The following THY1 variants were observed in gnomAD, a reference collection of about 807,000 sequenced individuals.
The protein encoded by THY1 is thy-1 membrane glycoprotein.
THY1 carries 10 observed loss-of-function variants against 14.9 expected under a neutral mutation model. That is an observed-to-expected ratio of 0.67 (90% CI 0.41 to 1.14). The LOEUF (loss-of-function observed/expected upper bound fraction) is 1.14, where lower values mean the gene tolerates loss of function less well. Ranked by LOEUF, THY1 falls within the 50% of genes most tolerant of loss-of-function variation. The pLI is 0.00. For missense variants in THY1, 159 were observed against 202.1 expected (o/e 0.79, Z 1.29); for synonymous variants, 80 against 90.0 (o/e 0.89, Z 0.63).
At position 119,422,314 on chromosome 11, in the gene THY1, A is replaced by C. The variant is rs981259900; in HGVS notation, c.-25+799T>G. The C allele has an allele frequency of 3.9e-5, 6 of 152,242 alleles. No homozygotes were observed. The highest frequency in any genetic ancestry group is 1.5e-4 in the African/African-American group (6 of 41,372). 9.4% of individuals were successfully genotyped at this position (152,242 alleles called of 1,614,324 possible). On this transcript the variant is annotated intron_variant, in intron 1 of 3. Transcript: ENST00000284240. This position sits in a 1 kb window ranked among gnomAD's most constrained non-coding sequence, Gnocchi z 7.0. ...GTTTGAGATGTTGTGCGGGCTTGGG[A>C]TCTAGGAGGGGAAGGGGGAGCAATG...
Position 119,421,099 on chromosome 11 carries a change from C to T in THY1, c.-24-170G>A, listed in dbSNP as rs1355529996. 5.2e-6 allele frequency: 3 copies of T among 573,582 alleles called. No individual in the cohort carries two copies. The African/African-American group carries it at 5.6e-5, about 11-fold the overall frequency. 35.5% of individuals were successfully genotyped at this position (573,582 alleles called of 1,614,324 possible). ...ACATGATACTGCCACTGGCTCTTTC[C>T]TGCTCAGGGAAAGCAAGGAAGGAGG... On this transcript the variant is annotated intron_variant, in intron 1 of 3. Transcript: ENST00000284240.
At position 119,415,827 on chromosome 11, in the gene THY1, G is replaced by A. The variant is rs991893180; in HGVS notation, c.*3581C>T. 4.6e-5 allele frequency among the ~76,000 whole-genome samples: 7 copies of A among 152,226 alleles called. No individual in the cohort carries two copies. The highest frequency in any genetic ancestry group is 1.7e-4 in the African/African-American group (7 of 41,458). On this transcript the variant is annotated 3_prime_UTR_variant, in exon 4 of 4. Coordinates refer to ENST00000284240, the MANE Select transcript of THY1 (RefSeq NM_006288.5). ...AGCCCCTGTTGAGCAGAAGAGAGCT[G>A]ATGGCCCTCTTGCCTGGCCAGGACT...
upstream of THY1, chr11:119,423,357 G>A: frequency 2.7e-6 from 1 of 369,246 alleles, no homozygotes; most frequent in Non-Finnish European, 5.4e-6. Flanking sequence ...GCGGAAGGGG[G>A]CCCTCACCCT....
intron 1 of THY1, 35 bp downstream of exon 1, chr11:119,423,078 C>T (rs1304199237): frequency 8.8e-6 from 4 of 455,942 alleles, no homozygotes; most frequent in Admixed American, 7.1e-5. Context: ...GACGGCGGTC[C>T]CCGAGCCCCA....
At chr11:119,423,063 C>T (rs55747192) in intron 1 of THY1, 50 bp downstream of exon 1, 83 of 456,060 alleles carry the variant, frequency 1.8e-4, no homozygotes, top group Non-Finnish European at 2.5e-4. Context: ...CTTGCATGGG[C>T]GCCTGACGGC....
chr11:119,424,016 C>T (rs1422384469), upstream of THY1: 1 of 152,434 alleles, frequency 6.6e-6, no homozygotes, highest in African/African-American at 2.4e-5. Context: ...TTCATCCCAT[C>T]TCAATCCTCA....
chr11:119,416,619 C>T lies in THY1; in HGVS notation c.*2789G>A, dbSNP rs1035713083. Among the ~76,000 whole-genome samples, 19 of 152,128 alleles carry T rather than the reference C, an allele frequency of 1.2e-4. No individual in the cohort carries two copies. Among genetic ancestry groups the T allele is most frequent in the African/African-American group, 2.9e-4 (12 of 41,442 alleles). ...CCTCCTGAGTAGCTGGGATTACAGG[C>T]GCAGGCCACCATGCCTGGCTAATTT... is the stretch of plus-strand genomic sequence containing the variant. On this transcript the variant is annotated 3_prime_UTR_variant, in exon 4 of 4. Coordinates refer to ENST00000284240, the MANE Select transcript of THY1 (RefSeq NM_006288.5).
intron 2 of THY1, 154 bp from the exon 3 acceptor site, chr11:119,420,540 C>T: frequency 1.4e-6 from 1 of 729,384 alleles, no homozygotes; most frequent in Non-Finnish European, 2.2e-6. Context: ...TTCTCCTTTG[C>T]AGACCCCAGC....
Position 119,417,754 on chromosome 11 carries a change from C to T in THY1, c.*1654G>A, listed in dbSNP as rs1472965706. Reference sequence around the variant, plus strand: ...CTTGAGGACATGGGCATCTCCCACCCTTCGTGCTCACCCTCGCAATAGTGG... The same window carrying T: ...CTTGAGGACATGGGCATCTCCCACCTTTCGTGCTCACCCTCGCAATAGTGG... On this transcript the variant is annotated 3_prime_UTR_variant, in exon 4 of 4. Coordinates refer to ENST00000284240, the MANE Select transcript of THY1 (RefSeq NM_006288.5). 6.6e-6 allele frequency: 1 copy of T among 152,336 alleles called. No homozygotes were observed. The highest frequency in any genetic ancestry group is 1.5e-5 in the Non-Finnish European group (1 of 68,132). The allele number at this position is 152,336 out of a possible 1,614,324, so 9.4% of individuals were successfully genotyped here.
Position 119,416,233 on chromosome 11 carries a change from G to C in THY1, c.*3175C>G, listed in dbSNP as rs559033170. Among the ~76,000 whole-genome samples the C allele has an allele frequency of 2.6e-4, 40 of 151,830 alleles. No homozygotes were observed. The East Asian group carries it at 4.5e-3, about 17-fold the overall frequency. ...CCTAGGTATGGACTTAGGTGCTGAAGGGGGGGGACCCAGGAAAGAGGTTAG... is the reference window on the plus strand; with the variant it reads ...CCTAGGTATGGACTTAGGTGCTGAACGGGGGGGACCCAGGAAAGAGGTTAG... On this transcript the variant is annotated 3_prime_UTR_variant, in exon 4 of 4. Coordinates refer to ENST00000284240, the MANE Select transcript of THY1 (RefSeq NM_006288.5).
At chr11:119,419,955 G>T in intron 3 of THY1, 96 bp downstream of exon 3, 1 of 1,294,080 alleles carries the variant, frequency 7.7e-7, no homozygotes, top group Non-Finnish European at 1.1e-6. Flanking sequence ...GAGCGTTATG[G>T]GGCTATTCTC....
In THY1 at chr11:119,420,274, G is replaced by A. The variant is rs765292393; in HGVS notation, c.150C>T (p.Tyr50=). ...HENTSSSPIQ[Y]EFSLTRETKK... ...TTGTCTCACGGGTCAGGCTGAACTCGTACTGGATGGGTGAACTGCTGGTAT... is the reference window on the plus strand; with the variant it reads ...TTGTCTCACGGGTCAGGCTGAACTCATACTGGATGGGTGAACTGCTGGTAT... The change falls in exon 3 of 4, where the codon TAC becomes TAT. Residue 50 remains tyrosine (Y), a synonymous_variant. Coordinates refer to ENST00000284240, the MANE Select transcript of THY1 (RefSeq NM_006288.5). The A allele has an allele frequency of 8.7e-6, 14 of 1,614,262 alleles. No homozygotes were observed. Among genetic ancestry groups the A allele is most frequent in the African/African-American group, 2.7e-5 (2 of 75,074 alleles).
Position 119,420,362 on chromosome 11 carries a change from T to C in THY1, c.62A>G (p.Lys21Arg), listed in dbSNP as rs1861875217. The C allele has an allele frequency of 1.9e-6, 3 of 1,613,340 alleles. No individual in the cohort carries two copies. The highest frequency in any genetic ancestry group is 1.1e-5 in the South Asian group (1 of 91,058). The change falls in exon 3 of 4, where the codon AAG becomes AGG. Residue 21 changes from lysine to arginine, a missense_variant. Physicochemically the swap from Lys to Arg is conservative, Grantham distance 26. Transcript: ENST00000284240. Reference sequence around the variant, plus strand: ...TAGGCAGGCCGTTAGGCTGGTCACCTTCTGCCCTCGGGAGACCTGCAAGAC... The same window carrying C: ...TAGGCAGGCCGTTAGGCTGGTCACCCTCTGCCCTCGGGAGACCTGCAAGAC... Reference protein sequence around the residue: ...LTVLQVSRGQKVTSLTACLVD... With the variant: ...LTVLQVSRGQRVTSLTACLVD...
Position 119,419,327 on chromosome 11 carries a change from G to T in THY1, c.*81C>A. 1 of 1,269,634 alleles carries T rather than the reference G, an allele frequency of 7.9e-7. No homozygotes were observed. The highest frequency in any genetic ancestry group is 1.3e-5 in the South Asian group (1 of 78,952). 78.6% of individuals were successfully genotyped at this position (1,269,634 alleles called of 1,614,324 possible). On this transcript the variant is annotated 3_prime_UTR_variant, in exon 4 of 4. Coordinates refer to ENST00000284240, the MANE Select transcript of THY1 (RefSeq NM_006288.5). Reference sequence around the variant, plus strand: ...CTCCTCAAGGTTTGAGGGATTGGGGGGAGGGGGTCAGCTGACTCAGAGAAG... The same window carrying T: ...CTCCTCAAGGTTTGAGGGATTGGGGTGAGGGGGTCAGCTGACTCAGAGAAG...
Position 119,417,980 on chromosome 11 carries a change from T to C in THY1, c.*1428A>G, listed in dbSNP as rs1240005435. On this transcript the variant is annotated 3_prime_UTR_variant, in exon 4 of 4. Coordinates refer to ENST00000284240, the MANE Select transcript of THY1 (RefSeq NM_006288.5). The stretch of plus-strand genomic sequence containing the variant: ...TGGGATGTTCGTTTATTTGGGCAAA[T>C]GTGTCTCGTTAGGGTCATTCTGAAA... 6.6e-6 allele frequency: 1 copy of C among 152,226 alleles called. No individual in the cohort carries two copies. Among genetic ancestry groups the C allele is most frequent in the Non-Finnish European group, 1.5e-5 (1 of 68,054 alleles). 9.4% of individuals were successfully genotyped at this position (152,226 alleles called of 1,614,324 possible).
At chr11:119,421,031 A>C in intron 1 of THY1, 102 bp from the exon 2 acceptor site, 1 of 1,034,546 alleles carries the variant, frequency 9.7e-7, no homozygotes, top group South Asian at 1.4e-5. Flanking sequence ...CAGTCATCTA[A>C]GTCCCTCTCT....
intron 2 of THY1, chr11:119,420,590 G>T: frequency 1.6e-6 from 1 of 635,214 alleles, no homozygotes; most frequent in Non-Finnish European, 2.7e-6. Flanking sequence ...TCCTATCAAT[G>T]TGTTTCAAGG....
Position 119,422,177 on chromosome 11 carries a change from C to T in THY1, c.-25+936G>A, listed in dbSNP as rs1436703492. ...CTTGACGGGTGAGGCTAGGATCCCG[C>T]GGCGGCTGCAGCTACAATCAATGCT... On this transcript the variant is annotated intron_variant, in intron 1 of 3. Coordinates refer to ENST00000284240, the MANE Select transcript of THY1 (RefSeq NM_006288.5). The surrounding 1 kb of genome is among the most constrained non-coding windows in gnomAD (Gnocchi z 7.0). 6.6e-6 allele frequency: 1 copy of T among 152,290 alleles called. No homozygotes were observed. Among genetic ancestry groups the T allele is most frequent in the African/African-American group, 2.4e-5 (1 of 41,476 alleles). The allele number at this position is 152,290 out of a possible 1,614,324, so 9.4% of individuals were successfully genotyped here.
intron 2 of THY1, 138 bp downstream of exon 2, chr11:119,420,731 G>T: frequency 9.3e-7 from 1 of 1,075,250 alleles, no homozygotes; most frequent in Non-Finnish European, 1.4e-6. Context: ...TCAGCGCGGT[G>T]GATTGGCTGA....
Sources: gnomAD v4.1 joint callset for allele counts (sites outside exome capture counted in the v4.1 genomes callset) on GRCh38, gnomAD v4.1.1 for gene constraint, Gnocchi (gnomAD v3.1) non-coding constraint, MANE v1.5 for transcripts, NCBI Gene and HGNC (gene_info 2026-07-23, HGNC 2026-07-21) for gene names.